MAF: variants seen among roughly 807,000 people sequenced by gnomAD.
The protein encoded by MAF is MAF bZIP transcription factor, also known as transcription factor Maf.
MAF carries 10 observed loss-of-function variants against 22.0 expected under a neutral mutation model. That is an observed-to-expected ratio of 0.45 (90% CI 0.28 to 0.77). The LOEUF is 0.77. Among genes scored for constraint, MAF ranks in the 30% least tolerant of loss-of-function variants. MAF has a pLI of 0.12. For missense variants in MAF, 544 were observed against 548.4 expected (o/e 0.99, Z 0.08); for synonymous variants, 337 against 255.8 (o/e 1.32, Z -3.03).
At chr16:79,478,102 G>A in the MAF span, among the ~76,000 whole-genome samples, 8 of 152,156 alleles carry the variant, frequency 5.3e-5, no homozygotes, top group East Asian at 1.5e-3. Flanking sequence ...AGCTTAGAGA[G>A]CACCTTGCCC....
the MAF span, among the ~76,000 whole-genome samples, chr16:79,296,900 T>C: frequency 6.6e-6 from 1 of 152,216 alleles, no homozygotes; most frequent in Non-Finnish European, 1.5e-5. Flanking sequence ...AATGCCCTGG[T>C]GGGTGGACTC....
the MAF span, among the ~76,000 whole-genome samples, chr16:79,537,142 T>C: frequency 1.3e-5 from 2 of 152,216 alleles, no homozygotes; most frequent in Non-Finnish European, 2.9e-5. Context: ...CAGCACATTT[T>C]ATTGAATGAT....
chr16:79,231,490 T>G, the MAF span, among the ~76,000 whole-genome samples: 2 of 152,108 alleles, frequency 1.3e-5, no homozygotes, highest in African/African-American at 4.8e-5. Flanking sequence ...GCACCAAGAA[T>G]AGAAGATTCC....
At chr16:79,406,882 A>T in the MAF span, among the ~76,000 whole-genome samples, 3 of 152,210 alleles carry the variant, frequency 2.0e-5, no homozygotes, top group African/African-American at 7.2e-5. Flanking sequence ...GGACCTGATG[A>T]GACTTGCCCC....
chr16:79,295,445 C>G, the MAF span, among the ~76,000 whole-genome samples: 3 of 152,290 alleles, frequency 2.0e-5, no homozygotes, highest in East Asian at 3.9e-4. Flanking sequence ...TTGGTTACAG[C>G]TCGGTGTTTG....
At chr16:79,535,173 G>A in the MAF span, among the ~76,000 whole-genome samples, 2 of 152,084 alleles carry the variant, frequency 1.3e-5, no homozygotes, top group African/African-American at 4.8e-5. Flanking sequence ...AACTGACAGA[G>A]GTTTACTTCT....
the MAF span, among the ~76,000 whole-genome samples, chr16:79,565,297 G>A: frequency 1.1e-4 from 17 of 152,280 alleles, no homozygotes; most frequent in East Asian, 1.2e-3. Context: ...ACATATTGTC[G>A]ATGGCAGGGT....
the MAF span, among the ~76,000 whole-genome samples, chr16:79,426,715 G>C: frequency 1.3e-5 from 2 of 152,190 alleles, no homozygotes; most frequent in African/African-American, 4.8e-5. Context: ...TTCACAGAAG[G>C]ACATGTAGCT....
chr16:79,514,158 G>T, the MAF span, among the ~76,000 whole-genome samples: 1 of 152,142 alleles, frequency 6.6e-6, no homozygotes, highest in Admixed American at 6.5e-5. Flanking sequence ...TTCATTGCAC[G>T]GGGGAAATAA....
chr16:79,420,638 G>C, the MAF span, among the ~76,000 whole-genome samples: 1 of 152,128 alleles, frequency 6.6e-6, no homozygotes, highest in Non-Finnish European at 1.5e-5. Flanking sequence ...GTTCACTTTA[G>C]CTGTTGCTCG....
chr16:79,327,401 T>A, the MAF span, among the ~76,000 whole-genome samples: 2 of 152,210 alleles, frequency 1.3e-5, no homozygotes, highest in Non-Finnish European at 2.9e-5. Flanking sequence ...TGCTCTTTGA[T>A]GTACCTATTT....
At chr16:79,429,162 A>T in the MAF span, among the ~76,000 whole-genome samples, 1 of 152,044 alleles carries the variant, frequency 6.6e-6, no homozygotes, top group African/African-American at 2.4e-5. Context: ...TTGAGGACTG[A>T]CTCAGGAACA....
the MAF span, among the ~76,000 whole-genome samples, chr16:79,433,692 G>T: frequency 3.9e-5 from 6 of 152,166 alleles, no homozygotes; most frequent in Non-Finnish European, 8.8e-5. Flanking sequence ...CTGACCGACT[G>T]CCATGAGCAC....
the MAF span, among the ~76,000 whole-genome samples, chr16:79,390,210 C>T: frequency 2.0e-5 from 3 of 151,994 alleles, no homozygotes; most frequent in Middle Eastern, 3.4e-3. Flanking sequence ...CCTTGAAAGC[C>T]GGGTTTATTT....
At chr16:79,380,579 C>T in the MAF span, among the ~76,000 whole-genome samples, 1 of 152,186 alleles carries the variant, frequency 6.6e-6, no homozygotes, top group African/African-American at 2.4e-5. Flanking sequence ...ATGATATATT[C>T]TTTCCATTAT....
chr16:79,392,051 A>T, the MAF span, among the ~76,000 whole-genome samples: 1 of 150,272 alleles, frequency 6.7e-6, no homozygotes, highest in Non-Finnish European at 1.5e-5. Context: ...GAAGGAGGAC[A>T]GAGAAGAGAG....
At chr16:79,476,934 A>G in the MAF span, among the ~76,000 whole-genome samples, 2 of 152,130 alleles carry the variant, frequency 1.3e-5, no homozygotes, top group Admixed American at 1.3e-4. Context: ...TCGCGTTATC[A>G]TCCACGGCCA....
chr16:79,223,594 C>G, the MAF span, among the ~76,000 whole-genome samples: 1 of 151,834 alleles, frequency 6.6e-6, no homozygotes, highest in East Asian at 1.9e-4. Flanking sequence ...TTGCAAAGAT[C>G]AACAAAATAC....
chr16:79,490,441 T>G, the MAF span, among the ~76,000 whole-genome samples: 1 of 152,242 alleles, frequency 6.6e-6, no homozygotes, highest in Non-Finnish European at 1.5e-5. Context: ...AAGCACTAGC[T>G]GAGCTTTAAG....
Sources: gnomAD v4.1 joint callset for allele counts (sites outside exome capture counted in the v4.1 genomes callset) on GRCh38, gnomAD v4.1.1 for gene constraint, MANE v1.5 for transcripts, NCBI Gene and HGNC (gene_info 2026-07-23, HGNC 2026-07-21) for gene names.